HS6ST3: variants seen among roughly 807,000 people sequenced by gnomAD.
HS6ST3 encodes the protein heparan sulfate 6-O-sulfotransferase 3, also known as heparan-sulfate 6-O-sulfotransferase 3.
In HS6ST3, 12 loss-of-function variants were observed where a neutral mutation model predicts 36.7. The ratio of observed to expected loss-of-function variants is 0.33; its 90% CI spans 0.21 to 0.53. The LOEUF (loss-of-function observed/expected upper bound fraction) is 0.53, where lower values mean the gene tolerates loss of function less well. Among genes scored for constraint, HS6ST3 ranks in the 20% least tolerant of loss-of-function variants. HS6ST3 has a pLI of 0.95. For synonymous variants in HS6ST3, 240 were observed against 257.5 expected, an observed-to-expected ratio of 0.93 and a Z score of 0.65; for missense variants, 584 against 640.9, an observed-to-expected ratio of 0.91 and a Z score of 0.96.
At chr13:96,601,764 G>A (rs1465696507) in intron 1 of HS6ST3, among the ~76,000 whole-genome samples, 1 of 152,038 alleles carries the variant, frequency 6.6e-6, no homozygotes, top group East Asian at 1.9e-4. Context: ...TCTTAATTTA[G>A]TTTTGATTCA....
intron 1 of HS6ST3, among the ~76,000 whole-genome samples, chr13:96,095,095 G>A (rs2053783432): frequency 6.6e-6 from 1 of 152,184 alleles, no homozygotes; most frequent in South Asian, 2.1e-4. Flanking sequence ...ATAAAAAGGT[G>A]AAATGATATA....
chr13:96,526,351 T>C (rs191101368), intron 1 of HS6ST3, among the ~76,000 whole-genome samples: 2 of 152,286 alleles, frequency 1.3e-5, no homozygotes, highest in Admixed American at 1.3e-4. Context: ...TTTAGAAAGG[T>C]CACTCTAGAT....
At chr13:96,445,233 T>G (rs957944884) in intron 1 of HS6ST3, among the ~76,000 whole-genome samples, 2 of 152,218 alleles carry the variant, frequency 1.3e-5, no homozygotes, top group African/African-American at 4.8e-5. Context: ...CTGTGTTTAC[T>G]GAAGAAGAAA....
chr13:96,816,862 T>C (rs1878431659), intron 1 of HS6ST3, among the ~76,000 whole-genome samples: 1 of 152,234 alleles, frequency 6.6e-6, no homozygotes, highest in Non-Finnish European at 1.5e-5. Flanking sequence ...GGGGCATTTC[T>C]GTTCCTCCAT....
At chr13:96,366,906 G>A (rs2139438518) in intron 1 of HS6ST3, among the ~76,000 whole-genome samples, 1 of 152,168 alleles carries the variant, frequency 6.6e-6, no homozygotes, top group South Asian at 2.1e-4. Context: ...TTTATAAAGG[G>A]GATTTCCCCT....
chr13:96,759,042 C>T (rs998448442), intron 1 of HS6ST3, among the ~76,000 whole-genome samples: 1 of 151,728 alleles, frequency 6.6e-6, no homozygotes, highest in African/African-American at 2.4e-5. Context: ...CCTAAAGAAT[C>T]AACCTTTTTA....
intron 1 of HS6ST3, among the ~76,000 whole-genome samples, chr13:96,695,228 T>C (rs1444348335): frequency 1.3e-5 from 2 of 152,306 alleles, no homozygotes; most frequent in South Asian, 2.1e-4. Flanking sequence ...CTCTGATTTC[T>C]TCTCTAAATC....
At position 96,661,830 on chromosome 13, in the gene HS6ST3, C is replaced by T. The variant is rs376463426; in HGVS notation, c.708-170660C>T. Among the ~76,000 whole-genome samples the T allele has an allele frequency of 5.0e-4, 76 of 152,144 alleles. 2 individuals carry two copies. The South Asian group carries it at 0.015, about 30-fold the overall frequency. On this transcript the variant is annotated intron_variant, in intron 1 of 1. Coordinates refer to ENST00000376705, the MANE Select transcript of HS6ST3 (RefSeq NM_153456.4). ...TTAGTGTTTGCTAGTCTGGGAAAGA[C>T]TTTATTTATCTTTTATTTTTGAAGC...
At chr13:96,776,156 C>T (rs562031980) in intron 1 of HS6ST3, among the ~76,000 whole-genome samples, 3 of 152,004 alleles carry the variant, frequency 2.0e-5, no homozygotes, top group African/African-American at 7.2e-5. Context: ...AACAAAGACA[C>T]AACATACCAG....
chr13:96,132,991 T>C (rs965644845), intron 1 of HS6ST3, among the ~76,000 whole-genome samples: 2 of 152,202 alleles, frequency 1.3e-5, no homozygotes, highest in African/African-American at 4.8e-5. Context: ...TTTCTTGCTA[T>C]TGAATCTTTT....
chr13:96,143,216 T>G (rs2054040543), intron 1 of HS6ST3, among the ~76,000 whole-genome samples: 1 of 151,868 alleles, frequency 6.6e-6, no homozygotes, highest in African/African-American at 2.4e-5. Context: ...CACTATGAAA[T>G]AAGAAAATGA....
intron 1 of HS6ST3, among the ~76,000 whole-genome samples, chr13:96,707,969 T>A (rs1875469033): frequency 6.6e-6 from 1 of 152,180 alleles, no homozygotes; most frequent in Admixed American, 6.5e-5. Flanking sequence ...GTTAGTGAGG[T>A]TTGCTGATGG....
chr13:96,308,797 T>G (rs1397494225), intron 1 of HS6ST3, among the ~76,000 whole-genome samples: 1 of 152,146 alleles, frequency 6.6e-6, no homozygotes, highest in Non-Finnish European at 1.5e-5. Flanking sequence ...GAAGCAAAGA[T>G]TCTATCCATG....
intron 1 of HS6ST3, among the ~76,000 whole-genome samples, chr13:96,792,993 G>T (rs1877828249): frequency 6.6e-6 from 1 of 152,040 alleles, no homozygotes; most frequent in African/African-American, 2.4e-5. Context: ...ATGACTAACA[G>T]TTGCTTCTCT....
intron 1 of HS6ST3, among the ~76,000 whole-genome samples, chr13:96,203,063 G>A (rs1000571818): frequency 2.0e-5 from 3 of 152,134 alleles, no homozygotes; most frequent in African/African-American, 7.2e-5. Flanking sequence ...CTGTCTGCCT[G>A]TTACTTATGG....
chr13:96,583,573 G>A (rs2056350190), intron 1 of HS6ST3, among the ~76,000 whole-genome samples: 1 of 151,980 alleles, frequency 6.6e-6, no homozygotes, highest in Non-Finnish European at 1.5e-5. Context: ...TCTAGTCCAT[G>A]CGTTCTGCCC....
intron 1 of HS6ST3, among the ~76,000 whole-genome samples, chr13:96,826,927 C>T (rs1015149887): frequency 6.6e-6 from 1 of 152,148 alleles, no homozygotes; most frequent in Middle Eastern, 3.2e-3. Flanking sequence ...CTCATGGCCA[C>T]AGAACAGCAG....
intron 1 of HS6ST3, among the ~76,000 whole-genome samples, chr13:96,266,401 T>G (rs2054692628): frequency 6.6e-6 from 1 of 152,198 alleles, no homozygotes; most frequent in Non-Finnish European, 1.5e-5. Flanking sequence ...TGAGATTACC[T>G]GGGACAGAGG....
intron 1 of HS6ST3, among the ~76,000 whole-genome samples, chr13:96,187,521 T>C (rs924091403): frequency 2.6e-5 from 4 of 152,164 alleles, no homozygotes; most frequent in African/African-American, 9.7e-5. Flanking sequence ...GCTCTATGAC[T>C]CCAAAGCCTG....
Sources: allele counts gnomAD v4.1 joint callset (sites outside exome capture counted in the v4.1 genomes callset), GRCh38; gene constraint gnomAD v4.1.1; transcripts MANE v1.5; gene names NCBI Gene and HGNC (gene_info 2026-07-23, HGNC 2026-07-21).